The following PIR variants were observed in gnomAD, a reference collection of about 807,000 sequenced individuals.
The protein encoded by PIR is pirin.
Under a neutral mutation model 24.2 loss-of-function variants are expected in PIR, and 22 were observed. That is an observed-to-expected ratio of 0.91 (90% CI 0.65 to 1.30). PIR has a LOEUF of 1.30. Among genes scored for constraint, PIR ranks in the 50% most tolerant of loss-of-function variants. PIR has a pLI of 0.00. For synonymous variants in PIR, 80 were observed against 79.6 expected (o/e 1.00, Z -0.03); for missense variants, 220 against 220.3 (o/e 1.00, Z 0.01).
At chrX:15,431,679 C>CCG (rs1555956806) in intron 5 of PIR, among the ~76,000 whole-genome samples, 7 of 104,950 alleles carry the variant, frequency 6.7e-5, no homozygotes, top group African/African-American at 2.5e-4. Context: ...CCACCCCCCC[C>CCG]CCGAAAACCT....
At chrX:15,486,246 C>T (rs1922804043) in intron 2 of PIR, among the ~76,000 whole-genome samples, 1 of 89,504 alleles carries the variant, frequency 1.1e-5, no homozygotes, top group Non-Finnish European at 2.1e-5. Context: ...TTGCTTGAAC[C>T]CAGGAGGCAG....
chrX:15,453,117 A>G (rs1920983944), intron 5 of PIR, among the ~76,000 whole-genome samples: 1 of 111,586 alleles, frequency 9.0e-6, no homozygotes, highest in African/African-American at 3.3e-5. Context: ...TATGTTTCTT[A>G]TGAGACCCAC....
intron 9 of PIR, among the ~76,000 whole-genome samples, chrX:15,386,207 T>G (rs1923744640): frequency 8.9e-6 from 1 of 112,539 alleles, no homozygotes; most frequent in Non-Finnish European, 1.9e-5. Flanking sequence ...ACAACTGTAT[T>G]GCTTAGAGAA....
At chrX:15,425,803 A>G in intron 6 of PIR, 103 bp downstream of exon 6, 1 of 510,657 alleles carries the variant, frequency 2.0e-6, no homozygotes, top group South Asian at 3.1e-5. Flanking sequence ...CTTTGTGCTG[A>G]GTTTCAGAAA....
chrX:15,415,929 C>T (rs1162360068), intron 6 of PIR, among the ~76,000 whole-genome samples: 1 of 109,481 alleles, frequency 9.1e-6, no homozygotes, highest in East Asian at 2.9e-4. Context: ...CCAATTGATA[C>T]ATTTAAGGCA....
intron 5 of PIR, among the ~76,000 whole-genome samples, chrX:15,443,467 A>C: frequency 9.0e-6 from 1 of 111,573 alleles, no homozygotes; most frequent in Non-Finnish European, 1.9e-5. Flanking sequence ...CAGACTTGAA[A>C]GTCAAAATTA....
intron 7 of PIR, among the ~76,000 whole-genome samples, chrX:15,401,935 G>C (rs1484328179): frequency 1.8e-5 from 2 of 112,273 alleles, no homozygotes; most frequent in Non-Finnish European, 3.8e-5. Flanking sequence ...TATATGTATA[G>C]TTGAAGCCTT....
At chrX:15,404,280 C>T (rs1274157617) in intron 7 of PIR, among the ~76,000 whole-genome samples, 1 of 112,217 alleles carries the variant, frequency 8.9e-6, no homozygotes, top group African/African-American at 3.2e-5. Context: ...GGATTACAGG[C>T]GTGAACCACC....
At chrX:15,411,837 A>G (rs1924753073) in intron 6 of PIR, among the ~76,000 whole-genome samples, 1 of 112,184 alleles carries the variant, frequency 8.9e-6, no homozygotes, top group Non-Finnish European at 1.9e-5. Flanking sequence ...AAATAATTTC[A>G]GACATATCAA....
chrX:15,440,200 T>C (rs1402266489), intron 5 of PIR, among the ~76,000 whole-genome samples: 2 of 111,942 alleles, frequency 1.8e-5, no homozygotes, highest in Admixed American at 9.5e-5. Flanking sequence ...ACAGTGTATT[T>C]ATTTAGATAT....
At chrX:15,441,146 A>G (rs1221099594) in intron 5 of PIR, among the ~76,000 whole-genome samples, 3 of 112,000 alleles carry the variant, frequency 2.7e-5, no homozygotes, top group Non-Finnish European at 5.6e-5. Flanking sequence ...GCTCAGAAAG[A>G]AAAAAGAAAA....
intron 3 of PIR, among the ~76,000 whole-genome samples, chrX:15,475,521 C>T (rs1427875117): frequency 1.8e-5 from 2 of 111,154 alleles, no homozygotes. Flanking sequence ...AGGAGCCTTT[C>T]AGTGCTAAAA....
intron 6 of PIR, among the ~76,000 whole-genome samples, chrX:15,410,322 T>G (rs777045416): frequency 1.8e-5 from 2 of 112,187 alleles, no homozygotes; most frequent in South Asian, 7.3e-4. Context: ...TTGGATACCT[T>G]TCCATGTCAA....
At chrX:15,433,434 A>G (rs1271945806) in intron 5 of PIR, among the ~76,000 whole-genome samples, 2 of 106,110 alleles carry the variant, frequency 1.9e-5, no homozygotes, top group African/African-American at 6.9e-5. Context: ...GACATGAAGA[A>G]GGAACCAAAG....
At chrX:15,451,777 C>T (rs1229037552) in intron 5 of PIR, among the ~76,000 whole-genome samples, 1 of 111,959 alleles carries the variant, frequency 8.9e-6, no homozygotes, top group Non-Finnish European at 1.9e-5. Flanking sequence ...GGTTATCATC[C>T]AACACATGAA....
chrX:15,466,764 T>C (rs993608409), intron 3 of PIR, among the ~76,000 whole-genome samples: 3 of 111,600 alleles, frequency 2.7e-5, no homozygotes, highest in Non-Finnish European at 5.7e-5. Flanking sequence ...CCTGGAATAG[T>C]TCCCCCTACC....
Position 15,384,949 on chromosome X carries a change from A to G in PIR, c.*55T>C, listed in dbSNP as rs1923687417. 9.6e-6 allele frequency: 6 copies of G among 624,321 alleles called. No homozygotes were observed. The highest frequency in any genetic ancestry group is 2.5e-5 in the South Asian group (1 of 39,898). 51.5% of individuals were successfully genotyped at this position (624,321 alleles called of 1,213,427 possible). A position where few individuals can be genotyped will look rare whatever the true frequency, so the allele number is the denominator to read the frequency against. ...GAAATGGAATGCCTTCAATGGCTCA[A>G]TCTCAGAAATGGCAAAATTCTAGGA... On this transcript the variant is annotated 3_prime_UTR_variant, in exon 10 of 10. Transcript: ENST00000380420.
chrX:15,409,266 T>TTTTTTC (rs1256784308), intron 6 of PIR, among the ~76,000 whole-genome samples: 1 of 15,038 alleles, frequency 6.6e-5, no homozygotes, highest in Non-Finnish European at 1.5e-4. Flanking sequence ...GCCCAGCTAA[T>TTTTTTC]TTTTGTATTT....
intron 7 of PIR, among the ~76,000 whole-genome samples, chrX:15,398,665 GGAGGGTGT>G (rs757167226): frequency 0.067 from 2,451 of 36,334 alleles, 29 homozygotes; most frequent in Non-Finnish European, 0.11. Flanking sequence ...CCTTGAGGAG[GGAGGGTGT>G]GTGTGTGTGT....
Sources: gnomAD v4.1 joint callset for allele counts (sites outside exome capture counted in the v4.1 genomes callset) on GRCh38, gnomAD v4.1.1 for gene constraint, MANE v1.5 for transcripts, NCBI Gene and HGNC (gene_info 2026-07-23, HGNC 2026-07-21) for gene names.